Variants in SH3PXD2B observed in about 807,000 individuals in gnomAD.
SH3PXD2B encodes SH3 and PX domain-containing protein 2B.
A neutral mutation model predicts 73.1 loss-of-function variants in SH3PXD2B; 37 were observed. That is an observed-to-expected ratio of 0.51 (90% CI 0.39 to 0.67). The LOEUF is 0.67. Ranked by LOEUF, SH3PXD2B falls within the 30% of genes least tolerant of loss-of-function variation. The probability of loss-of-function intolerance (pLI) is 0.00; values close to 1 mark genes in which losing one functional copy is unlikely to be tolerated. For missense variants in SH3PXD2B, 1,053 were observed against 1,197.8 expected (o/e 0.88, Z 1.78); for synonymous variants, 457 against 480.5 (o/e 0.95, Z 0.64).
chr5:172,450,888 C>T (rs1287768849), intron 1 of SH3PXD2B, among the ~76,000 whole-genome samples: 2 of 152,194 alleles, frequency 1.3e-5, no homozygotes, highest in African/African-American at 2.4e-5. Flanking sequence ...AAGGCAGGAG[C>T]TCCCCAAATC....
rs1294986889 is a variant in SH3PXD2B, at chr5:172,348,646, C to CTATG, written c.1013-1315_1013-1314insCATA. Among the ~76,000 whole-genome samples the CTATG allele has an allele frequency of 2.1e-3, 126 of 61,304 alleles. 2 individuals carry two copies. The highest frequency in any genetic ancestry group is 7.1e-3 in the African/African-American group (105 of 14,862). The allele number at this position is 61,304 out of a possible 152,430, so 40.2% of individuals were successfully genotyped here. On this transcript the variant is annotated intron_variant, in intron 10 of 12. Coordinates refer to ENST00000311601, the MANE Select transcript of SH3PXD2B (RefSeq NM_001017995.3). ...TCTATGTATCTATCTATGTATCTAT[C>CTATG]TATCTATCCTATCTATCTATCTATC...
chr5:172,434,729 C>T, intron 1 of SH3PXD2B, among the ~76,000 whole-genome samples: 1 of 151,300 alleles, frequency 6.6e-6, no homozygotes, highest in South Asian at 2.1e-4. Context: ...GGCTGCCGCA[C>T]TGGTCCCATG....
Position 172,336,837 on chromosome 5 carries a change from T to TGAG in SH3PXD2B, c.*1531_*1532insCTC. 5.1e-6 allele frequency: 5 copies of TGAG among 985,486 alleles called. No homozygotes were observed. The highest frequency in any genetic ancestry group is 6.0e-6 in the Non-Finnish European group (5 of 829,998). The allele number at this position is 985,486 out of a possible 1,614,324, so 61.0% of individuals were successfully genotyped here. ...TTCTGCAGTGATTTAGTCATGCCTC[T>TGAG]CCAGACCTCAGTTTGACAGATGACC... On this transcript the variant is annotated 3_prime_UTR_variant, in exon 13 of 13. Transcript: ENST00000311601.
At chr5:172,368,802 T>C (rs1303119447) in intron 6 of SH3PXD2B, among the ~76,000 whole-genome samples, 1 of 126,926 alleles carries the variant, frequency 7.9e-6, no homozygotes, top group African/African-American at 3.0e-5. Flanking sequence ...TACACATATA[T>C]AATATGTATA....
intron 2 of SH3PXD2B, among the ~76,000 whole-genome samples, chr5:172,408,603 G>C (rs1363665904): frequency 7.2e-6 from 1 of 138,440 alleles, no homozygotes; most frequent in East Asian, 2.2e-4. Context: ...CAATGGCATG[G>C]TCTTGGTTCA....
At chr5:172,413,145 AG>A (rs1758740591) in intron 2 of SH3PXD2B, among the ~76,000 whole-genome samples, 1 of 152,228 alleles carries the variant, frequency 6.6e-6, no homozygotes, top group African/African-American at 2.4e-5. Flanking sequence ...GAGCCGGAGC[AG>A]GAAGTGGAGA....
At chr5:172,372,710 T>C (rs1257062741) in intron 6 of SH3PXD2B, among the ~76,000 whole-genome samples, 2 of 152,188 alleles carry the variant, frequency 1.3e-5, no homozygotes, top group South Asian at 2.1e-4. Flanking sequence ...CAGATTGCTA[T>C]ATCAACCCCA....
chr5:172,429,551 C>T (rs1759183194), intron 1 of SH3PXD2B, among the ~76,000 whole-genome samples: 2 of 152,172 alleles, frequency 1.3e-5, no homozygotes, highest in African/African-American at 4.8e-5. Flanking sequence ...CCCAGTTTCA[C>T]CAGGAACAGA....
Position 172,382,024 on chromosome 5 carries a change from A to C in SH3PXD2B, c.401+12T>G. The C allele has an allele frequency of 6.2e-7, 1 of 1,606,474 alleles. No homozygotes were observed. Among genetic ancestry groups the C allele is most frequent in the Non-Finnish European group, 8.5e-7 (1 of 1,176,724 alleles). ...TGGGGCTCCATCTGGGGAAGCCCAC[A>C]AACAAACTTACTCTTTGGGGGGATT... On this transcript the variant is annotated intron_variant, in intron 5 of 12. Coordinates refer to ENST00000311601, the MANE Select transcript of SH3PXD2B (RefSeq NM_001017995.3).
At chr5:172,415,867 C>A (rs1263494827) in intron 2 of SH3PXD2B, among the ~76,000 whole-genome samples, 1 of 152,162 alleles carries the variant, frequency 6.6e-6, no homozygotes, top group Non-Finnish European at 1.5e-5. Flanking sequence ...AGGGAAGGAC[C>A]CGACACCAGG....
intron 1 of SH3PXD2B, among the ~76,000 whole-genome samples, chr5:172,441,694 T>C (rs1581343683): frequency 6.6e-6 from 1 of 152,254 alleles, no homozygotes; most frequent in Non-Finnish European, 1.5e-5. Context: ...GGATACCTTC[T>C]TGACAATGCC....
intron 2 of SH3PXD2B, among the ~76,000 whole-genome samples, chr5:172,416,680 C>CTT (rs1411598813): frequency 4.9e-5 from 4 of 81,388 alleles, no homozygotes; most frequent in Non-Finnish European, 6.7e-5. Flanking sequence ...GACTGTGAGT[C>CTT]TCTCTCTCTC....
chr5:172,425,029 G>A (rs898502922), intron 1 of SH3PXD2B, among the ~76,000 whole-genome samples: 2 of 152,166 alleles, frequency 1.3e-5, no homozygotes, highest in African/African-American at 2.4e-5. Flanking sequence ...AGCCAGGGAA[G>A]GGGCCACGGC....
Position 172,333,593 on chromosome 5 carries a change from C to G in SH3PXD2B, c.*4776G>C. The G allele has an allele frequency of 7.9e-7, 1 of 1,270,672 alleles. No individual in the cohort carries two copies. The highest frequency in any genetic ancestry group is 1.0e-6 in the Non-Finnish European group (1 of 982,774). 78.7% of individuals were successfully genotyped at this position (1,270,672 alleles called of 1,614,324 possible). ...TGGTAAAGTATATAGCCTACACATG[C>G]TACAGCTAGTTGTTCTCACCCCTCC... On this transcript the variant is annotated 3_prime_UTR_variant, in exon 13 of 13. Transcript: ENST00000311601.
rs1234373960 is a variant in SH3PXD2B at position 172,404,120 on chromosome 5, G to A, written c.232+2157C>T. 3.3e-5 allele frequency among the ~76,000 whole-genome samples: 5 copies of A among 152,242 alleles called. No homozygotes were observed. The East Asian group carries it at 9.7e-4, about 29-fold the overall frequency. On this transcript the variant is annotated intron_variant, in intron 3 of 12. Coordinates refer to ENST00000311601, the MANE Select transcript of SH3PXD2B (RefSeq NM_001017995.3). ...GAAACTACAAATGTTAGCTTTTTTA[G>A]GTAAAGGATTCTCCCAGTGGAGGAG...
intron 4 of SH3PXD2B, among the ~76,000 whole-genome samples, chr5:172,386,270 T>C (rs1758058179): frequency 6.6e-6 from 1 of 152,186 alleles, no homozygotes; most frequent in Non-Finnish European, 1.5e-5. Context: ...CATCATATAT[T>C]AGCTGCTTGA....
At chr5:172,368,485 A>T (rs1271218089) in intron 6 of SH3PXD2B, among the ~76,000 whole-genome samples, 1 of 13,412 alleles carries the variant, frequency 7.5e-5, no homozygotes, top group Non-Finnish European at 1.2e-4. Flanking sequence ...TATATATAAA[A>T]TATATATATA....
chr5:172,343,677 C>A (rs1026441347), intron 12 of SH3PXD2B, among the ~76,000 whole-genome samples: 1 of 151,938 alleles, frequency 6.6e-6, no homozygotes, highest in Non-Finnish European at 1.5e-5. Flanking sequence ...TGATGGCAGG[C>A]GCCTGTAATC....
chr5:172,331,288 C>T (rs960984461), downstream of SH3PXD2B, among the ~76,000 whole-genome samples: 14 of 152,118 alleles, frequency 9.2e-5, no homozygotes, highest in East Asian at 1.9e-4. Context: ...GTGCAAAGCC[C>T]GGCCATTTCT....
Sources: allele counts gnomAD v4.1 joint callset (sites outside exome capture counted in the v4.1 genomes callset), GRCh38; gene constraint gnomAD v4.1.1; transcripts MANE v1.5; gene names NCBI Gene and HGNC (gene_info 2026-07-23, HGNC 2026-07-21).